The following CEP55 variants were observed in gnomAD, a reference collection of about 807,000 sequenced individuals.
CEP55 encodes centrosomal protein 55.
Under a neutral mutation model 63.2 loss-of-function variants are expected in CEP55, and 57 were observed. That is an observed-to-expected ratio of 0.90 (90% confidence interval 0.73 to 1.13). The LOEUF is 1.13. Among genes scored for constraint, CEP55 ranks in the 50% most tolerant of loss-of-function variants. The pLI is 0.00. For synonymous variants in CEP55, 178 were observed against 191.6 expected (o/e 0.93, Z 0.59); for missense variants, 456 against 518.9 (o/e 0.88, Z 1.18).
intron 6 of CEP55, among the ~76,000 whole-genome samples, chr10:93,517,843 A>C (rs967039332): frequency 1.3e-5 from 2 of 152,222 alleles, no homozygotes; most frequent in Non-Finnish European, 2.9e-5. Context: ...GGCATCATGG[A>C]AGGAACATTA....
At chr10:93,501,682 T>TA (rs1280436665) in intron 2 of CEP55, among the ~76,000 whole-genome samples, 2 of 151,996 alleles carry the variant, frequency 1.3e-5, no homozygotes, top group Non-Finnish European at 2.9e-5. Context: ...AAAAAATAAA[T>TA]AAATAAAATA....
chr10:93,513,477 T>C (rs567262730), intron 4 of CEP55, among the ~76,000 whole-genome samples: 6 of 152,348 alleles, frequency 3.9e-5, no homozygotes, highest in African/African-American at 1.4e-4. Flanking sequence ...GCAGTTGCCC[T>C]GATAGACACC....
intron 4 of CEP55, among the ~76,000 whole-genome samples, chr10:93,510,861 T>C (rs899002719): frequency 3.3e-5 from 5 of 152,138 alleles, no homozygotes; most frequent in Non-Finnish European, 5.9e-5. Context: ...TCTACGTTGG[T>C]TGGAATTTTT....
chr10:93,521,570 C>A (rs543038011), intron 8 of CEP55, among the ~76,000 whole-genome samples: 40 of 152,296 alleles, frequency 2.6e-4, no homozygotes, highest in African/African-American at 9.1e-4. Flanking sequence ...ACTTAAATGT[C>A]CCTGTCTGAC....
intron 4 of CEP55, among the ~76,000 whole-genome samples, chr10:93,513,326 G>C (rs980408288): frequency 6.6e-6 from 1 of 152,218 alleles, no homozygotes; most frequent in African/African-American, 2.4e-5. Context: ...CTTTGCTCAA[G>C]AGTTTGTAGG....
chr10:93,519,066 A>G, intron 7 of CEP55, 118 bp downstream of exon 7: 1 of 699,718 alleles, frequency 1.4e-6, no homozygotes, highest in African/African-American at 1.8e-5. Context: ...TCTTTAAAAG[A>G]CTTCAATAAA....
intron 4 of CEP55, among the ~76,000 whole-genome samples, chr10:93,508,022 G>A (rs1298846886): frequency 3.3e-5 from 5 of 152,134 alleles, no homozygotes. Context: ...TGCTCTCTTT[G>A]GTTTGAATAC....
At chr10:93,523,774 G>T (rs1401559481) in intron 8 of CEP55, among the ~76,000 whole-genome samples, 6 of 152,150 alleles carry the variant, frequency 3.9e-5, no homozygotes, top group Non-Finnish European at 8.8e-5. Context: ...TAGAACTCAG[G>T]ATTAAGAAAC....
intron 8 of CEP55, among the ~76,000 whole-genome samples, chr10:93,524,460 C>G (rs1009565844): frequency 5.3e-5 from 8 of 152,066 alleles, no homozygotes; most frequent in Non-Finnish European, 1.0e-4. Context: ...GCTTACCAAC[C>G]AAAAAGAGTC....
chr10:93,519,659 G>T, intron 7 of CEP55, 23 bp from the exon 8 acceptor site: 1 of 1,613,518 alleles, frequency 6.2e-7, no homozygotes, highest in Non-Finnish European at 8.5e-7. Context: ...AGCTGTAATG[G>T]TCTTGTTCTG....
At chr10:93,511,961 G>A (rs1243430149) in intron 4 of CEP55, among the ~76,000 whole-genome samples, 1 of 151,810 alleles carries the variant, frequency 6.6e-6, no homozygotes, top group Non-Finnish European at 1.5e-5. Context: ...TGGCGCAGTG[G>A]CTCACGTCTG....
chr10:93,523,918 T>A (rs2134500332), intron 8 of CEP55, among the ~76,000 whole-genome samples: 1 of 152,274 alleles, frequency 6.6e-6, no homozygotes, highest in South Asian at 2.1e-4. Flanking sequence ...CATACCAGAA[T>A]CTCTGGGACA....
At chr10:93,523,306 A>G (rs1356997775) in intron 8 of CEP55, among the ~76,000 whole-genome samples, 1 of 152,236 alleles carries the variant, frequency 6.6e-6, no homozygotes, top group African/African-American at 2.4e-5. Flanking sequence ...CTGATAAAAC[A>G]GACTTTAAAC....
At chr10:93,503,767 C>T (rs926748568) in intron 3 of CEP55, among the ~76,000 whole-genome samples, 1 of 152,060 alleles carries the variant, frequency 6.6e-6, no homozygotes, top group African/African-American at 2.4e-5. Context: ...ATCAAGTATA[C>T]TTTTCCTAAC....
At chr10:93,520,048 C>T (rs2057843218) in intron 8 of CEP55, 1 of 521,168 alleles carries the variant, frequency 1.9e-6, no homozygotes, top group East Asian at 3.5e-5. Context: ...ATGCTGGAGG[C>T]ACTAAATAGT....
Position 93,503,298 on chromosome 10 carries a change from A to C in CEP55, c.369A>C (p.Glu123Asp). Residue 123 changes from glutamate to aspartate, a missense_variant, in exon 3 of 9, where the codon GAA (glutamate) becomes GAC (aspartate). Physicochemically the swap from Glu to Asp is conservative, Grantham distance 45 (BLOSUM62 2). Transcript: ENST00000371485. ...RREQVLKALS[E>D]EKDVLKQQLS... The stretch of plus-strand genomic sequence containing the variant: ...AGCAGGTGTTGAAAGCCTTATCTGA[A>C]GAGAAAGACGTATTGAAACAACAGT... 1 of 1,614,188 alleles carries C rather than the reference A, an allele frequency of 6.2e-7. No homozygotes were observed. Among genetic ancestry groups the C allele is most frequent in the South Asian group, 1.1e-5 (1 of 91,080 alleles).
At chr10:93,523,166 C>A (rs1400046565) in intron 8 of CEP55, among the ~76,000 whole-genome samples, 1 of 152,040 alleles carries the variant, frequency 6.6e-6, no homozygotes, top group East Asian at 1.9e-4. Context: ...GAGTCAAGAC[C>A]CATCAGTGTG....
chr10:93,515,025 G>A (rs570104483), intron 4 of CEP55, among the ~76,000 whole-genome samples: 1 of 152,224 alleles, frequency 6.6e-6, no homozygotes, highest in East Asian at 1.9e-4. Flanking sequence ...CACCACCCTC[G>A]GCCTCTCAAA....
chr10:93,515,274 T>A (rs1395041061), intron 4 of CEP55, 131 bp from the exon 5 acceptor site: 1 of 678,260 alleles, frequency 1.5e-6, no homozygotes, highest in Admixed American at 2.8e-5. Context: ...TAACATAGAA[T>A]GGTTGCCCAG....
Sources: allele counts gnomAD v4.1 joint callset (sites outside exome capture counted in the v4.1 genomes callset), GRCh38; gene constraint gnomAD v4.1.1; transcripts MANE v1.5; gene names NCBI Gene and HGNC (gene_info 2026-07-23, HGNC 2026-07-21).